The following DPP6 variants were observed in gnomAD, a reference collection of about 807,000 sequenced individuals.
DPP6 encodes the protein A-type potassium channel modulatory protein DPP6.
DPP6 carries 69 observed loss-of-function variants against 122.6 expected under a neutral mutation model. That is an observed-to-expected ratio of 0.56 (90% CI 0.46 to 0.69). The LOEUF (loss-of-function observed/expected upper bound fraction) is 0.69, where lower values mean the gene tolerates loss of function less well. Among genes scored for constraint, DPP6 ranks in the 30% least tolerant of loss-of-function variants. DPP6 has a pLI of 0.00. For synonymous variants in DPP6, 418 were observed against 433.1 expected, an observed-to-expected ratio of 0.97 and a Z score of 0.43; for missense variants, 928 against 1,116.9, an observed-to-expected ratio of 0.83 and a Z score of 2.41.
chr7:154,597,678 G>A (rs977173298), intron 5 of DPP6, among the ~76,000 whole-genome samples: 4 of 152,084 alleles, frequency 2.6e-5, no homozygotes, highest in Non-Finnish European at 5.9e-5. Flanking sequence ...CAGACTGGGC[G>A]TCTTCAACAA....
chr7:154,791,276 AT>A (rs1797663013), intron 10 of DPP6, among the ~76,000 whole-genome samples: 2 of 150,706 alleles, frequency 1.3e-5, no homozygotes, highest in African/African-American at 5.0e-5. Flanking sequence ...ATAAAAATAA[AT>A]AAATAAAATA....
chr7:154,269,199 G>A (rs1207192073), intron 1 of DPP6, among the ~76,000 whole-genome samples: 1 of 151,910 alleles, frequency 6.6e-6, no homozygotes, highest in Non-Finnish European at 1.5e-5. Context: ...CTATAAATGG[G>A]GAAACCGAAG....
intron 1 of DPP6, among the ~76,000 whole-genome samples, chr7:154,378,604 G>A (rs1813321904): frequency 6.6e-6 from 1 of 152,132 alleles, no homozygotes. Flanking sequence ...AGAGAGAGAA[G>A]AGAAAACTCT....
the DPP6 span, among the ~76,000 whole-genome samples, chr7:153,789,814 AT>A: frequency 6.6e-6 from 1 of 152,152 alleles, no homozygotes; most frequent in Non-Finnish European, 1.5e-5. Context: ...GGCAACTATC[AT>A]TAAGGATGTT....
In DPP6 at chr7:153,887,772, G is replaced by A. The variant is rs763832891; in HGVS notation, c.51+38G>A. 8 of 1,605,422 alleles carry A rather than the reference G, an allele frequency of 5.0e-6. No individual in the cohort carries two copies. In the Admixed American group the frequency reaches 1.3e-4, roughly 27 times the overall value. On this transcript the variant is annotated intron_variant, in intron 1 of 25. Coordinates refer to the DPP6 transcript ENST00000404039. Reference sequence around the variant, plus strand: ...GACAGGGCGCGCGCTGGGTCGGGGGGACCCACCGTGAGGAGCGATGCTGGG... The same window carrying A: ...GACAGGGCGCGCGCTGGGTCGGGGGAACCCACCGTGAGGAGCGATGCTGGG...
At chr7:154,778,941 TCCA>T (rs1796783858) in intron 10 of DPP6, among the ~76,000 whole-genome samples, 2 of 65,286 alleles carry the variant, frequency 3.1e-5, no homozygotes, top group South Asian at 1.1e-3. Context: ...CTCTACAACT[TCCA>T]CCACCAGCTC....
At position 154,055,033 on chromosome 7, in the gene DPP6, A is replaced by G. The variant is rs940864529; in HGVS notation, c.243+1970A>G. 3.7e-4 allele frequency among the ~76,000 whole-genome samples: 56 copies of G among 151,766 alleles called. 1 individual carries two copies. Among genetic ancestry groups the G allele is most frequent in the African/African-American group, 1.4e-3 (56 of 41,266 alleles). On this transcript the variant is annotated intron_variant, in intron 1 of 25. Coordinates refer to ENST00000377770, the MANE Select transcript of DPP6 (RefSeq NM_130797.4). ...GAAACAAATCAGGGATATAACATGTACATTTGTTAATGGGGTTCTAAACAG... is the reference window on the plus strand; with the variant it reads ...GAAACAAATCAGGGATATAACATGTGCATTTGTTAATGGGGTTCTAAACAG...
chr7:154,141,719 C>G (rs572070484), intron 1 of DPP6, among the ~76,000 whole-genome samples: 1 of 152,282 alleles, frequency 6.6e-6, no homozygotes, highest in East Asian at 1.9e-4. Context: ...ACAGTTGTAC[C>G]TAGCATGCAT....
chr7:154,126,171 G>A (rs1164481669), intron 1 of DPP6, among the ~76,000 whole-genome samples: 2 of 152,134 alleles, frequency 1.3e-5, no homozygotes, highest in Non-Finnish European at 2.9e-5. Flanking sequence ...TTGGTTCTGG[G>A]AGAGGTAGGA....
intron 3 of DPP6, among the ~76,000 whole-genome samples, chr7:154,498,553 G>A (rs1824952389): frequency 3.3e-5 from 5 of 152,058 alleles, no homozygotes; most frequent in Admixed American, 3.3e-4. Context: ...GGCCAGGCTG[G>A]TCTCGAACTC....
the DPP6 span, among the ~76,000 whole-genome samples, chr7:153,771,284 T>C: frequency 6.6e-6 from 1 of 152,332 alleles, no homozygotes; most frequent in South Asian, 2.1e-4. Flanking sequence ...ATAAGAATTA[T>C]AGCAGACTTT....
intron 12 of DPP6, 162 bp downstream of exon 12, chr7:154,796,045 C>G: frequency 1.7e-6 from 2 of 1,172,196 alleles, no homozygotes; most frequent in Non-Finnish European, 2.3e-6. Flanking sequence ...CGGTGCCTCC[C>G]GTTCTCCAGG....
chr7:154,068,253 AG>A (rs939067375), intron 1 of DPP6, among the ~76,000 whole-genome samples: 1 of 150,728 alleles, frequency 6.6e-6, no homozygotes, highest in Non-Finnish European at 1.5e-5. Flanking sequence ...TTGTATTTTG[AG>A]GTTATTATTC....
chr7:154,806,619 T>C (rs1259524947), intron 15 of DPP6, among the ~76,000 whole-genome samples: 1 of 152,228 alleles, frequency 6.6e-6, no homozygotes, highest in Admixed American at 6.5e-5. Context: ...CTCAGATTGC[T>C]AGCCATCCAC....
At chr7:154,266,800 A>G (rs1803450787) in intron 1 of DPP6, among the ~76,000 whole-genome samples, 1 of 152,228 alleles carries the variant, frequency 6.6e-6, no homozygotes, top group Non-Finnish European at 1.5e-5. Context: ...TTCTTAGGAC[A>G]TCTAGAAAGT....
chr7:153,949,267 T>C (rs1802094683), intron 1 of DPP6, among the ~76,000 whole-genome samples: 1 of 152,224 alleles, frequency 6.6e-6, no homozygotes, highest in Admixed American at 6.5e-5. Flanking sequence ...GAGAAGGAGA[T>C]GTGGCAGTAG....
intron 1 of DPP6, among the ~76,000 whole-genome samples, chr7:154,181,973 C>A (rs866492635): frequency 1.3e-5 from 2 of 151,926 alleles, no homozygotes; most frequent in South Asian, 2.1e-4. Context: ...AGGCTGGTCT[C>A]GAACTCCTGA....
the DPP6 span, among the ~76,000 whole-genome samples, chr7:153,861,964 T>C: frequency 6.6e-6 from 1 of 152,182 alleles, no homozygotes; most frequent in South Asian, 2.1e-4. Context: ...AGCTGTCAAT[T>C]AACTGATACT....
At chr7:154,835,477 ACTC>A (rs1465251533) in intron 16 of DPP6, among the ~76,000 whole-genome samples, 8 of 152,114 alleles carry the variant, frequency 5.3e-5, no homozygotes, top group African/African-American at 1.7e-4. Context: ...CCAGGTACCT[ACTC>A]CTCCAAATCC....
Sources: allele counts gnomAD v4.1 joint callset (sites outside exome capture counted in the v4.1 genomes callset), GRCh38; gene constraint gnomAD v4.1.1; transcripts MANE v1.5; gene names NCBI Gene and HGNC (gene_info 2026-07-23, HGNC 2026-07-21).